Variants in SYCP2L observed in about 807,000 individuals in gnomAD.
SYCP2L encodes the protein synaptonemal complex protein 2 like.
SYCP2L carries 98 observed loss-of-function variants against 125.8 expected under a neutral mutation model. The ratio of observed to expected loss-of-function variants is 0.78; its 90% CI spans 0.66 to 0.92. SYCP2L has a LOEUF of 0.92. Among genes scored for constraint, SYCP2L ranks in the 40% least tolerant of loss-of-function variants. The pLI is 0.00. For synonymous variants in SYCP2L, 317 were observed against 325.4 expected (o/e 0.97, Z 0.28); for missense variants, 842 against 936.4 (o/e 0.90, Z 1.32).
chr6:10,887,080 C>G lies in SYCP2L; in HGVS notation c.-47C>G. The G allele has an allele frequency of 6.2e-7, 1 of 1,613,782 alleles. No individual in the cohort carries two copies. The highest frequency in any genetic ancestry group is 8.5e-7 in the Non-Finnish European group (1 of 1,179,838). On this transcript the variant is annotated 5_prime_UTR_variant, in exon 1 of 30. Transcript: ENST00000283141. ...GAAGCAGGAGAGGGCCGACCGAGCG[C>G]AACAAAGCTGAGCGGCGCGTCGCTT... is the stretch of plus-strand genomic sequence containing the variant.
chr6:10,936,268 G>A (rs957638599), intron 21 of SYCP2L, among the ~76,000 whole-genome samples: 2 of 151,654 alleles, frequency 1.3e-5, no homozygotes, highest in Non-Finnish European at 1.5e-5. Flanking sequence ...AGGCTGAGGC[G>A]GGCAGATCAC....
chr6:10,933,571 A>T (rs1781036786), intron 20 of SYCP2L, among the ~76,000 whole-genome samples: 1 of 152,146 alleles, frequency 6.6e-6, no homozygotes, highest in Admixed American at 6.5e-5. Context: ...TCTAGACCAC[A>T]CTTCGAGACC....
intron 1 of SYCP2L, among the ~76,000 whole-genome samples, chr6:10,889,690 A>G (rs1319534389): frequency 7.4e-5 from 10 of 135,132 alleles, no homozygotes; most frequent in African/African-American, 2.8e-4. Context: ...GTGCAACCTT[A>G]GCTCATTGCA....
At chr6:10,916,879 C>G (rs1780703834) in intron 14 of SYCP2L, among the ~76,000 whole-genome samples, 2 of 152,158 alleles carry the variant, frequency 1.3e-5, no homozygotes, top group African/African-American at 4.8e-5. Context: ...GTAATGCCAG[C>G]TACTTGGGAG....
At chr6:10,923,575 AG>A (rs1431139454) in intron 14 of SYCP2L, among the ~76,000 whole-genome samples, 1 of 151,290 alleles carries the variant, frequency 6.6e-6, no homozygotes, top group Non-Finnish European at 1.5e-5. Flanking sequence ...CAGTAGAGAT[AG>A]GGTTTCAGTG....
chr6:10,925,889 C>T (rs1178312241), intron 15 of SYCP2L, among the ~76,000 whole-genome samples: 1 of 152,018 alleles, frequency 6.6e-6, no homozygotes, highest in Non-Finnish European at 1.5e-5. Flanking sequence ...TGAATAATAA[C>T]GTTTTGAGGG....
intron 10 of SYCP2L, 147 bp downstream of exon 10, chr6:10,907,831 G>T: frequency 1.3e-5 from 8 of 600,576 alleles, no homozygotes; most frequent in East Asian, 3.6e-5. Flanking sequence ...TCACTTAGGA[G>T]AAACAATTTG....
At position 10,893,965 on chromosome 6, in the gene SYCP2L, T is replaced by A. The variant is rs1052522642; in HGVS notation, c.177T>A (p.Asn59Lys). The A allele has an allele frequency of 5.0e-6, 8 of 1,612,100 alleles. No homozygotes were observed. Among genetic ancestry groups the A allele is most frequent in the Non-Finnish European group, 5.9e-6 (7 of 1,179,604 alleles). The change falls in exon 3 of 30, where the codon AAT becomes AAA. Residue 59 changes from asparagine to lysine, a missense_variant. Physicochemically the swap from Asn to Lys is moderately conservative, Grantham distance 94. Transcript: ENST00000283141. ...AGAGCCACTTTCCTCAAAAATATAA[T>A]CGTCTTCTATTATACCGTCTTGACA... ...QKESHFPQKY[N>K]RLLLYRLDRS...
chr6:10,953,729 C>G lies in SYCP2L; in HGVS notation c.1955-1387C>G, dbSNP rs929192132. On this transcript the variant is annotated intron_variant, in intron 23 of 29. Coordinates refer to ENST00000283141, the MANE Select transcript of SYCP2L (RefSeq NM_001040274.3). Reference sequence around the variant, plus strand: ...GTAGTGAAGAAAAAAAATGCCTGCCCTCACTGGGCCTTACCCTCTAGTGTG... The same window carrying G: ...GTAGTGAAGAAAAAAAATGCCTGCCGTCACTGGGCCTTACCCTCTAGTGTG... Among the ~76,000 whole-genome samples, 8 of 152,208 alleles carry G rather than the reference C, an allele frequency of 5.3e-5. No homozygotes were observed. The South Asian group carries it at 6.2e-4, about 12-fold the overall frequency.
intron 23 of SYCP2L, among the ~76,000 whole-genome samples, chr6:10,945,127 TTTGATTGCA>T (rs1781287397): frequency 6.6e-6 from 1 of 152,242 alleles, no homozygotes; most frequent in Non-Finnish European, 1.5e-5. Flanking sequence ...GGTTTTCTAC[TTTGATTGCA>T]TTGTGACTAG....
chr6:10,968,180 G>A (rs940582554), intron 29 of SYCP2L, among the ~76,000 whole-genome samples: 1 of 152,168 alleles, frequency 6.6e-6, no homozygotes, highest in Non-Finnish European at 1.5e-5. Context: ...TCAGAATGTG[G>A]GATGTTGAGA....
intron 8 of SYCP2L, among the ~76,000 whole-genome samples, chr6:10,903,628 A>G (rs1051486011): frequency 4.6e-5 from 7 of 151,948 alleles, no homozygotes; most frequent in African/African-American, 9.6e-5. Context: ...GCACACACCT[A>G]TAGTCCCAGC....
intron 18 of SYCP2L, among the ~76,000 whole-genome samples, chr6:10,928,761 C>T (rs1053156409): frequency 6.6e-6 from 1 of 152,068 alleles, no homozygotes; most frequent in African/African-American, 2.4e-5. Context: ...TGGTCTCAAA[C>T]TCCTGGACTT....
At chr6:10,953,853 CT>C (rs1781452482) in intron 23 of SYCP2L, among the ~76,000 whole-genome samples, 1 of 152,022 alleles carries the variant, frequency 6.6e-6, no homozygotes, top group East Asian at 1.9e-4. Flanking sequence ...AGTTGGGAGG[CT>C]ACATTGAAAT....
chr6:10,938,740 G>A (rs1473400022), intron 21 of SYCP2L, among the ~76,000 whole-genome samples: 1 of 152,178 alleles, frequency 6.6e-6, no homozygotes, highest in African/African-American at 2.4e-5. Flanking sequence ...AAAATCAGTT[G>A]TGGGGTTTGC....
rs549141719 is a variant in SYCP2L, at chr6:10,958,926, C to T, written c.2255+51C>T. 27 of 1,508,766 alleles carry T rather than the reference C, an allele frequency of 1.8e-5. No homozygotes were observed. The South Asian group carries it at 3.0e-4, about 16-fold the overall frequency. 93.5% of individuals were successfully genotyped at this position (1,508,766 alleles called of 1,614,324 possible). ...TCGTGGAAGTGTGATCACTCACCAA[C>T]AGCGTTTATCTCATGACCACTGTGC... On this transcript the variant is annotated intron_variant, in intron 26 of 29. Transcript: ENST00000283141.
chr6:10,950,361 G>C (rs1309949935), intron 23 of SYCP2L, among the ~76,000 whole-genome samples: 2 of 151,914 alleles, frequency 1.3e-5, no homozygotes, highest in Non-Finnish European at 2.9e-5. Context: ...TGCTTCTCTA[G>C]TTTTTTTAAT....
intron 28 of SYCP2L, 107 bp from the exon 29 acceptor site, chr6:10,963,670 GTAATA>G (rs1781628588): frequency 3.9e-6 from 4 of 1,020,014 alleles, no homozygotes; most frequent in Middle Eastern, 3.0e-4. Context: ...CTATAATTAA[GTAATA>G]TAATGGTCTG....
rs1232089312 is a variant in SYCP2L, at chr6:10,930,463, C to T, written c.1582C>T (p.Leu528=). 1.2e-6 allele frequency: 2 copies of T among 1,613,532 alleles called. No homozygotes were observed. Among genetic ancestry groups the T allele is most frequent in the South Asian group, 2.2e-5 (2 of 91,016 alleles). Residue 528 remains leucine, a synonymous_variant, in exon 19 of 30, where the codon CTA becomes TTA. Coordinates refer to ENST00000283141, the MANE Select transcript of SYCP2L (RefSeq NM_001040274.3). Reference sequence around the variant, plus strand: ...GACCAGTAACCAGAAAAAGAAATCCCTAAAATCATATTCCAGTAGAAAGAA... The same window carrying T: ...GACCAGTAACCAGAAAAAGAAATCCTTAAAATCATATTCCAGTAGAAAGAA... ...SWTSNQKKKS[L]KSYSSRKKTR...
Sources: allele counts gnomAD v4.1 joint callset (sites outside exome capture counted in the v4.1 genomes callset), GRCh38; gene constraint gnomAD v4.1.1; transcripts MANE v1.5; gene names NCBI Gene and HGNC (gene_info 2026-07-23, HGNC 2026-07-21).